GLIS3: variants seen among roughly 807,000 people sequenced by gnomAD.
GLIS3 encodes zinc finger protein GLIS3.
A neutral mutation model predicts 78.6 loss-of-function variants in GLIS3; 53 were observed. The ratio of observed to expected loss-of-function variants is 0.67; its 90% CI spans 0.54 to 0.85. The LOEUF (loss-of-function observed/expected upper bound fraction) is 0.85. GLIS3 is among the 40% of genes least tolerant of loss of function. The pLI is 0.00. For synonymous variants in GLIS3, 684 were observed against 509.9 expected (o/e 1.34, Z -4.60); for missense variants, 1,703 against 1,231.1 (o/e 1.38, Z -5.74).
rs537877140 is a variant in GLIS3, at chr9:4,175,766, G to T, written c.389-49825C>A. Among the ~76,000 whole-genome samples, 4 of 152,286 alleles carry T rather than the reference G, an allele frequency of 2.6e-5. No homozygotes were observed. In the East Asian group the frequency reaches 7.7e-4, roughly 29 times the overall value. On this transcript the variant is annotated intron_variant, in intron 2 of 10. Coordinates refer to ENST00000381971, the MANE Select transcript of GLIS3 (RefSeq NM_001042413.2). Reference sequence around the variant, plus strand: ...GAAGTGAAGCAATGTAACAAACAGGGATTGAATACTCCTTTTACATCAATT... The same window carrying T: ...GAAGTGAAGCAATGTAACAAACAGGTATTGAATACTCCTTTTACATCAATT...
intron 4 of GLIS3, among the ~76,000 whole-genome samples, chr9:4,105,611 C>T (rs1021191069): frequency 1.1e-4 from 16 of 152,156 alleles, no homozygotes; most frequent in African/African-American, 3.6e-4. Flanking sequence ...TTACCAAGAT[C>T]TATTTTCCTG....
intron 2 of GLIS3, among the ~76,000 whole-genome samples, chr9:4,196,584 C>G (rs1483099064): frequency 6.6e-6 from 1 of 152,104 alleles, no homozygotes; most frequent in African/African-American, 2.4e-5. Flanking sequence ...GACGCGCTGC[C>G]TTAAGAGCTG....
chr9:4,349,901 T>C (rs1193100017), upstream of GLIS3, among the ~76,000 whole-genome samples: 1 of 152,198 alleles, frequency 6.6e-6, no homozygotes, highest in Non-Finnish European at 1.5e-5. Flanking sequence ...TAGAAATCGA[T>C]GAATCTTCTG....
intron 4 of GLIS3, among the ~76,000 whole-genome samples, chr9:4,307,182 G>C (rs1015534355): frequency 2.6e-5 from 4 of 152,078 alleles, no homozygotes; most frequent in African/African-American, 4.8e-5. Flanking sequence ...GAGTGGTGGA[G>C]GTGAGAGGAG....
intron 4 of GLIS3, among the ~76,000 whole-genome samples, chr9:3,964,075 C>T (rs1411082221): frequency 1.3e-5 from 2 of 152,164 alleles, no homozygotes; most frequent in African/African-American, 4.8e-5. Context: ...ATTTTCCAAA[C>T]AGACACCGAG....
intron 8 of GLIS3, among the ~76,000 whole-genome samples, chr9:3,873,934 T>C (rs943960563): frequency 3.4e-4 from 51 of 152,134 alleles, no homozygotes; most frequent in African/African-American, 1.2e-3. Context: ...ATACACTAGA[T>C]TGAATACTCT....
chr9:4,284,258 G>A (rs1018019546), intron 2 of GLIS3, among the ~76,000 whole-genome samples: 3 of 152,090 alleles, frequency 2.0e-5, no homozygotes, highest in Admixed American at 6.5e-5. Context: ...CACTTAACAC[G>A]GTGCCTGACA....
At chr9:4,178,259 C>G (rs530721547) in intron 2 of GLIS3, among the ~76,000 whole-genome samples, 1 of 151,988 alleles carries the variant, frequency 6.6e-6, no homozygotes, top group South Asian at 2.1e-4. Flanking sequence ...TTTCTGCCCC[C>G]ACAATTTACT....
chr9:4,423,312 A>G, the GLIS3 span, among the ~76,000 whole-genome samples: 1 of 152,138 alleles, frequency 6.6e-6, no homozygotes, highest in Non-Finnish European at 1.5e-5. Context: ...CACCACACGG[A>G]AGGGCGGCTA....
intron 4 of GLIS3, chr9:4,054,427 C>T (rs1825970328): frequency 1.0e-6 from 1 of 985,272 alleles, no homozygotes; most frequent in Admixed American, 6.2e-5. Flanking sequence ...TGGTTACAAA[C>T]ACTTTGGCGA....
chr9:4,237,890 C>T (rs1198873903), intron 2 of GLIS3, among the ~76,000 whole-genome samples: 2 of 152,210 alleles, frequency 1.3e-5, no homozygotes, highest in Non-Finnish European at 2.9e-5. Context: ...CTTTAAACAA[C>T]TTTCCCTTCC....
intron 2 of GLIS3, among the ~76,000 whole-genome samples, chr9:4,183,083 G>A (rs766025155): frequency 6.6e-6 from 1 of 152,206 alleles, no homozygotes; most frequent in Non-Finnish European, 1.5e-5. Flanking sequence ...TTCCTGTGAT[G>A]CTATTTGGCC....
At chr9:3,880,126 C>T (rs770590282) in intron 7 of GLIS3, among the ~76,000 whole-genome samples, 44 of 152,216 alleles carry the variant, frequency 2.9e-4, no homozygotes, top group Admixed American at 6.5e-4. Context: ...GGATCCTGCA[C>T]CCTTTTAACT....
chr9:4,384,062 G>C, the GLIS3 span, among the ~76,000 whole-genome samples: 2 of 152,336 alleles, frequency 1.3e-5, no homozygotes, highest in East Asian at 3.9e-4. Context: ...GATGAGAGTA[G>C]TCTCTTTTAT....
chr9:3,975,982 C>A (rs926305273), intron 4 of GLIS3, among the ~76,000 whole-genome samples: 2 of 152,124 alleles, frequency 1.3e-5, no homozygotes, highest in Non-Finnish European at 2.9e-5. Flanking sequence ...CTCATCAGAT[C>A]AGCAGCCAAT....
intron 4 of GLIS3, among the ~76,000 whole-genome samples, chr9:4,093,854 A>G (rs551326789): frequency 2.0e-5 from 3 of 152,304 alleles, no homozygotes; most frequent in South Asian, 2.1e-4. Flanking sequence ...AGACAAGTTG[A>G]CCAGAAGGCC....
chr9:4,181,751 G>A (rs1024912861), intron 2 of GLIS3, among the ~76,000 whole-genome samples: 5 of 152,166 alleles, frequency 3.3e-5, no homozygotes, highest in African/African-American at 1.2e-4. Context: ...GAGCATTGGA[G>A]CTTATTGCTG....
chr9:4,285,745 A>T (rs1256738254), intron 2 of GLIS3: 6 of 421,998 alleles, frequency 1.4e-5, no homozygotes, highest in Middle Eastern at 6.3e-4. Flanking sequence ...CCTAGCTCTT[A>T]CCCTTCCACC....
At chr9:3,979,126 T>C (rs1819033576) in intron 4 of GLIS3, among the ~76,000 whole-genome samples, 1 of 152,190 alleles carries the variant, frequency 6.6e-6, no homozygotes, top group Non-Finnish European at 1.5e-5. Context: ...ACTGTTCTAA[T>C]GGGTAGAGAA....
Sources: gnomAD v4.1 joint callset for allele counts (sites outside exome capture counted in the v4.1 genomes callset) on GRCh38, gnomAD v4.1.1 for gene constraint, MANE v1.5 for transcripts, NCBI Gene and HGNC (gene_info 2026-07-23, HGNC 2026-07-21) for gene names.